SLFN12L: variants seen among roughly 807,000 people sequenced by gnomAD.
SLFN12L encodes schlafen family member 12 like.
Under a neutral mutation model 34.8 loss-of-function variants are expected in SLFN12L, and 34 were observed. That is an observed-to-expected ratio of 0.98 (90% confidence interval 0.74 to 1.30). SLFN12L has a LOEUF of 1.30. SLFN12L is among the 50% of genes most tolerant of loss of function. The probability of loss-of-function intolerance (pLI) is 0.00; values close to 1 mark genes in which losing one functional copy is unlikely to be tolerated. For synonymous variants in SLFN12L, 259 were observed against 247.5 expected, an observed-to-expected ratio of 1.05 and a Z score of -0.44; for missense variants, 703 against 696.2, an observed-to-expected ratio of 1.01 and a Z score of -0.11.
chr17:35,522,209 A>G, intron 2 of SLFN12L, 70 bp downstream of exon 2: 1 of 1,585,254 alleles, frequency 6.3e-7, no homozygotes, highest in Non-Finnish European at 8.6e-7. Context: ...TTCAAGGGAC[A>G]AGGTGACTTA....
At chr17:35,521,397 C>G (rs1193412082) in intron 2 of SLFN12L, among the ~76,000 whole-genome samples, 1 of 152,228 alleles carries the variant, frequency 6.6e-6, no homozygotes, top group Non-Finnish European at 1.5e-5. Flanking sequence ...ACTTTCTGTA[C>G]TATCTTTGCA....
At position 35,465,930 on chromosome 17, in the gene SLFN12L, C is replaced by T. The variant is rs1237548103; in HGVS notation, c.*8993G>A. ...GACACAATATACCTCTTGCAGGCTA[C>T]ACCTCAGTACCTTCACAATTTTGCC... On this transcript the variant is annotated 3_prime_UTR_variant, in exon 5 of 5. Transcript: ENST00000628453. Among the ~76,000 whole-genome samples, 2 of 151,912 alleles carry T rather than the reference C, an allele frequency of 1.3e-5. No homozygotes were observed. The highest frequency in any genetic ancestry group is 2.9e-5 in the Non-Finnish European group (2 of 68,004).
rs1391082955 is a variant in SLFN12L, at chr17:35,479,946, A to G, written c.336T>C (p.Tyr112=). The change falls in exon 3 of 5, where the codon TAT becomes TAC. Residue 112 remains tyrosine, a synonymous_variant. Coordinates refer to ENST00000628453, the MANE Select transcript of SLFN12L (RefSeq NM_001363830.2). ...KAEVENKGYS[Y]KKDGIGLDLE... is the part of the protein sequence containing the mutation. The stretch of plus-strand genomic sequence containing the variant: ...AATCTAGCCCTATTCCATCTTTTTT[A>G]TAACTATAGCCTTTATTCTCAACTT... The G allele has an allele frequency of 6.2e-7, 1 of 1,614,176 alleles. No homozygotes were observed. Among genetic ancestry groups the G allele is most frequent in the Admixed American group, 1.7e-5 (1 of 60,016 alleles).
chr17:35,498,056 G>A (rs1274194782), intron 2 of SLFN12L, among the ~76,000 whole-genome samples: 1 of 152,102 alleles, frequency 6.6e-6, no homozygotes, highest in African/African-American at 2.4e-5. Flanking sequence ...GTCACAGAGC[G>A]GCCGCCCAGA....
At chr17:35,489,078 A>G (rs1277358730) in intron 2 of SLFN12L, among the ~76,000 whole-genome samples, 2 of 151,788 alleles carry the variant, frequency 1.3e-5, no homozygotes, top group African/African-American at 4.8e-5. Context: ...TCAAAAACAA[A>G]ACAAAACAAA....
In SLFN12L at chr17:35,474,948, CAACA is replaced by C. The variant is rs772668173; in HGVS notation, c.1810_1813del (p.Cys604GlyfsTer7). 7.7e-5 allele frequency: 120 copies of C among 1,548,438 alleles called. No homozygotes were observed. The East Asian group carries it at 1.4e-3, about 18-fold the overall frequency. ...TCATCTCAAGAAAAAACAAACAAAC[CAACA>C]AACAAACAAACAAAAACGAAACAAA... On this transcript the variant is annotated frameshift_variant, in exon 5 of 5. Transcript: ENST00000628453. LOFTEE classifies it high-confidence loss of function.
At position 35,470,672 on chromosome 17, in the gene SLFN12L, CT is replaced by C. The variant is rs35473316; in HGVS notation, c.*4250del. 0.45 allele frequency: 66,682 copies of C among 146,920 alleles called. 14,949 individuals carry two copies. The highest frequency in any genetic ancestry group is 0.52 in the African/African-American group (20,822 of 39,820). The allele number at this position is 146,920 out of a possible 1,614,324, so 9.1% of individuals were successfully genotyped here. A position where few individuals can be genotyped will look rare whatever the true frequency, so the allele number is the denominator to read the frequency against. On this transcript the variant is annotated 3_prime_UTR_variant, in exon 5 of 5. Transcript: ENST00000628453. ...GAACATGCTCCCACTGTTTTAAGTT[CT>C]TTTTTTTTTTTTTAATTTTTATTAT...
chr17:35,497,087 G>A (rs1915109655), intron 2 of SLFN12L, among the ~76,000 whole-genome samples: 1 of 152,076 alleles, frequency 6.6e-6, no homozygotes. Flanking sequence ...CTAGACTCCT[G>A]TCTCTACAAA....
At chr17:35,502,237 G>T (rs1597860326) in intron 2 of SLFN12L, among the ~76,000 whole-genome samples, 1 of 151,860 alleles carries the variant, frequency 6.6e-6, no homozygotes, top group Non-Finnish European at 1.5e-5. Flanking sequence ...TGTAAACAAG[G>T]GGGTATCCCA....
intron 1 of SLFN12L, among the ~76,000 whole-genome samples, chr17:35,536,932 T>C (rs1214372725): frequency 3.3e-5 from 5 of 151,970 alleles, no homozygotes; most frequent in Non-Finnish European, 5.9e-5. Context: ...TCCCAGCACA[T>C]TGGGAGGCCA....
In SLFN12L at chr17:35,470,990, C is replaced by T. The variant is rs1316744391; in HGVS notation, c.*3933G>A. Among the ~76,000 whole-genome samples the T allele has an allele frequency of 6.6e-6, 1 of 152,168 alleles. No individual in the cohort carries two copies. Among genetic ancestry groups the T allele is most frequent in the Non-Finnish European group, 1.5e-5 (1 of 68,034 alleles). On this transcript the variant is annotated 3_prime_UTR_variant, in exon 5 of 5. Coordinates refer to ENST00000628453, the MANE Select transcript of SLFN12L (RefSeq NM_001363830.2). ...TCCATGTCCCTGCAAAGGTCATGATCTCATTCCTTTTTATGGCTGCACAGT... is the reference window on the plus strand; with the variant it reads ...TCCATGTCCCTGCAAAGGTCATGATTTCATTCCTTTTTATGGCTGCACAGT...
At chr17:35,496,523 C>T (rs1240614151) in intron 2 of SLFN12L, among the ~76,000 whole-genome samples, 1 of 151,236 alleles carries the variant, frequency 6.6e-6, no homozygotes, top group African/African-American at 2.4e-5. Context: ...CCCACCGTCC[C>T]TCCGGCCCCT....
intron 2 of SLFN12L, among the ~76,000 whole-genome samples, chr17:35,518,372 T>A (rs776677362): frequency 4.0e-5 from 6 of 151,836 alleles, no homozygotes; most frequent in Non-Finnish European, 8.8e-5. Flanking sequence ...GCCAACACGG[T>A]GAAACCCCAT....
chr17:35,487,501 G>C (rs1283034536), intron 2 of SLFN12L, among the ~76,000 whole-genome samples: 3 of 150,196 alleles, frequency 2.0e-5, no homozygotes, highest in Non-Finnish European at 3.0e-5. Context: ...ATAAGAAACG[G>C]AGGCTGGAAG....
chr17:35,504,289 G>T (rs1314300360), intron 2 of SLFN12L, among the ~76,000 whole-genome samples: 2 of 152,208 alleles, frequency 1.3e-5, no homozygotes, highest in Non-Finnish European at 2.9e-5. Context: ...CCAGTAGAGA[G>T]TTTTTATGCT....
intron 2 of SLFN12L, among the ~76,000 whole-genome samples, chr17:35,522,025 C>T (rs563089437): frequency 2.0e-5 from 3 of 152,026 alleles, no homozygotes; most frequent in East Asian, 1.9e-4. Context: ...TGTTAAATGA[C>T]GAGTTGATGG....
intron 2 of SLFN12L, chr17:35,514,691 C>T (rs536542635): frequency 7.4e-5 from 27 of 363,034 alleles, no homozygotes; most frequent in South Asian, 5.3e-4. Flanking sequence ...AGCATATTTG[C>T]CCTTCTGCTC....
chr17:35,520,391 C>T (rs1198884806), intron 2 of SLFN12L, among the ~76,000 whole-genome samples: 2 of 152,162 alleles, frequency 1.3e-5, no homozygotes, highest in East Asian at 3.8e-4. Flanking sequence ...TGTGTAAGGT[C>T]TAATTGTAAT....
intron 2 of SLFN12L, among the ~76,000 whole-genome samples, chr17:35,502,982 G>A (rs1915350468): frequency 9.0e-6 from 1 of 111,616 alleles, no homozygotes; most frequent in Admixed American, 8.1e-5. Context: ...AGTCGTGAAA[G>A]AGAAAAAAAG....
Sources: allele counts gnomAD v4.1 joint callset (sites outside exome capture counted in the v4.1 genomes callset), GRCh38; gene constraint gnomAD v4.1.1; transcripts MANE v1.5; gene names NCBI Gene and HGNC (gene_info 2026-07-23, HGNC 2026-07-21).